ORC6: variants seen among roughly 807,000 people sequenced by gnomAD.
The protein encoded by ORC6 is origin recognition complex, subunit 6 homolog-like (yeast).
Under a neutral mutation model 30.0 loss-of-function variants are expected in ORC6, and 31 were observed. The observed-to-expected ratio is 1.03, with a 90% CI of 0.78 to 1.40. The LOEUF (loss-of-function observed/expected upper bound fraction) is 1.40. Among genes scored for constraint, ORC6 ranks in the 40% most tolerant of loss-of-function variants. ORC6 has a pLI of 0.00. For missense variants in ORC6, 340 were observed against 304.3 expected (o/e 1.12, Z -0.87); for synonymous variants, 136 against 111.2 (o/e 1.22, Z -1.40).
rs562099852 is a variant in ORC6 at position 46,697,837 on chromosome 16, G to A, written c.*252G>A. 30 of 556,238 alleles carry A rather than the reference G, an allele frequency of 5.4e-5. 1 individual carries two copies. Among genetic ancestry groups the A allele is most frequent in the Middle Eastern group, 5.0e-4 (1 of 2,010 alleles). The allele number at this position is 556,238 out of a possible 1,614,324, so 34.5% of individuals were successfully genotyped here. A position where few individuals can be genotyped will look rare whatever the true frequency, so the allele number is the denominator to read the frequency against. On this transcript the variant is annotated 3_prime_UTR_variant, in exon 7 of 7. Transcript: ENST00000219097. ...TTCCTACAAAATGGAATTGGAGGCC[G>A]GGCGCAGTGGCTCACGCCTGTAATC...
At chr16:46,695,297 G>C in intron 4 of ORC6, 1 of 406,784 alleles carries the variant, frequency 2.5e-6, no homozygotes, top group Admixed American at 4.3e-5. Context: ...ATTTACTAAA[G>C]AGTTCTAAAA....
intron 3 of ORC6, 50 bp downstream of exon 3, chr16:46,692,595 C>T (rs778684999): frequency 1.6e-5 from 25 of 1,533,182 alleles, no homozygotes; most frequent in Non-Finnish European, 1.9e-5. Context: ...ATAGGCCGGG[C>T]GTGGTGGCTC....
chr16:46,695,918 G>T (rs1567275254), intron 5 of ORC6, 99 bp from the exon 6 acceptor site: 2 of 892,340 alleles, frequency 2.2e-6, no homozygotes, highest in South Asian at 1.4e-5. Flanking sequence ...CCTCATATTT[G>T]ATCAGTTAAG....
At chr16:46,693,828 T>TTTTTTTTTA (rs767614465) in intron 4 of ORC6, 6 of 123,006 alleles carry the variant, frequency 4.9e-5, no homozygotes, top group Non-Finnish European at 6.6e-5. Context: ...TTTTTTTTTT[T>TTTTTTTTTA]ACATTTTTTT....
At chr16:46,691,958 A>ACACACTCTCTCTCTCTCTCT in intron 2 of ORC6, among the ~76,000 whole-genome samples, 1,655 of 36,660 alleles carry the variant, frequency 0.045, 66 homozygotes, top group Middle Eastern at 0.08. Context: ...ACACACACAC[A>ACACACTCTCTCTCTCTCTCT]CTCTCTCTCT....
chr16:46,689,813 CG>C (rs1966406623), intron 1 of ORC6, 43 bp downstream of exon 1: 2 of 1,547,924 alleles, frequency 1.3e-6, no homozygotes, highest in Non-Finnish European at 1.7e-6. Context: ...TTCCGCCTCG[CG>C]GCCCTGGGCC....
chr16:46,696,138 C>A, intron 6 of ORC6, 53 bp downstream of exon 6: 1 of 1,252,432 alleles, frequency 8.0e-7, no homozygotes, highest in South Asian at 1.2e-5. Flanking sequence ...GTGAACAGCC[C>A]AGTGCTGCTC....
chr16:46,697,341 T>C, intron 6 of ORC6, 117 bp from the exon 7 acceptor site: 1 of 963,998 alleles, frequency 1.0e-6, no homozygotes, highest in South Asian at 1.6e-5. Flanking sequence ...TAACTGCTGT[T>C]TCTCCATGTC....
intron 2 of ORC6, among the ~76,000 whole-genome samples, chr16:46,691,842 A>C (rs1966440491): frequency 6.6e-6 from 1 of 151,910 alleles, no homozygotes; most frequent in South Asian, 2.1e-4. Context: ...TGTTACATTG[A>C]AACTTTCCTT....
chr16:46,690,958 A>G (rs1596732920), intron 1 of ORC6, 33 bp from the exon 2 acceptor site: 2 of 1,613,648 alleles, frequency 1.2e-6, no homozygotes, highest in Non-Finnish European at 8.5e-7. Flanking sequence ...ACTTCTGAAT[A>G]AGTTGTAGCG....
intron 4 of ORC6, chr16:46,693,540 G>A (rs1229943640): frequency 1.8e-5 from 6 of 327,522 alleles, no homozygotes; most frequent in East Asian, 8.0e-5. Flanking sequence ...GGTGGCTCCC[G>A]CCTGTAATCC....
intron 6 of ORC6, among the ~76,000 whole-genome samples, chr16:46,697,256 G>T (rs531916049): frequency 1.3e-5 from 2 of 152,222 alleles, no homozygotes; most frequent in African/African-American, 4.8e-5. Flanking sequence ...AGGTGGAGGT[G>T]GGAGGATCAT....
chr16:46,693,539 C>A, intron 4 of ORC6: 1 of 327,194 alleles, frequency 3.1e-6, no homozygotes, highest in Non-Finnish European at 5.9e-6. Flanking sequence ...TGGTGGCTCC[C>A]GCCTGTAATC....
intron 3 of ORC6, 51 bp from the exon 4 acceptor site, chr16:46,693,039 CTCT>C: frequency 8.4e-7 from 1 of 1,191,594 alleles, no homozygotes; most frequent in Non-Finnish European, 1.3e-6. Context: ...TACTTTCAGT[CTCT>C]TTTCAAATAA....
At position 46,692,505 on chromosome 16, in the gene ORC6, T is replaced by A. The variant is rs778774952; in HGVS notation, c.319T>A (p.Cys107Ser). ...GIRDLAVQFSCIEAVNMASKI... is the reference protein window; with the variant it reads ...GIRDLAVQFSSIEAVNMASKI... ...AAGAGACCTAGCTGTACAGTTTAGC[T>A]GTATAGAAGCAGTGAACATGGCTTC... is the stretch of plus-strand genomic sequence containing the variant. Residue 107 changes from cysteine to serine, a missense_variant, in exon 3 of 7, where the codon TGT becomes AGT. Cys to Ser is a moderately radical substitution (Grantham distance 112). Coordinates refer to ENST00000219097, the MANE Select transcript of ORC6 (RefSeq NM_014321.4). The A allele has an allele frequency of 6.2e-7, 1 of 1,613,938 alleles. No homozygotes were observed. The highest frequency in any genetic ancestry group is 1.1e-5 in the South Asian group (1 of 91,082).
rs897994399 is a variant in ORC6 at position 46,696,184 on chromosome 16, C to T, written c.631+99C>T. 7.5e-6 allele frequency: 6 copies of T among 797,970 alleles called. No individual in the cohort carries two copies. The African/African-American group carries it at 8.5e-5, about 11-fold the overall frequency. The allele number at this position is 797,970 out of a possible 1,614,324, so 49.4% of individuals were successfully genotyped here. On this transcript the variant is annotated intron_variant, in intron 6 of 6. Transcript: ENST00000219097. ...CCTGACAGGAGTCCAGTTTTAAGTA[C>T]ATTCTGACTGTGAATCATTTGATAA...
rs775067227 is a variant in ORC6 at position 46,691,075 on chromosome 16, G to A, written c.150G>A (p.Met50Ile). 6.8e-6 allele frequency: 11 copies of A among 1,614,114 alleles called. No individual in the cohort carries two copies. Among genetic ancestry groups the A allele is most frequent in the African/African-American group, 2.7e-5 (2 of 74,956 alleles). The change falls in exon 2 of 7, where the codon ATG (methionine) becomes ATA (isoleucine). Residue 50 changes from methionine to isoleucine, a missense_variant. Met to Ile is a conservative substitution (Grantham distance 10). Transcript: ENST00000219097. Reference sequence around the variant, plus strand: ...CCACGGAGACCAGCAGTGCAGTCATGTGCCTGGACCTTGCAGCTTCCTGGA... The same window carrying A: ...CCACGGAGACCAGCAGTGCAGTCATATGCCTGGACCTTGCAGCTTCCTGGA... ...ARTTETSSAV[M>I]CLDLAASWMK...
Position 46,697,673 on chromosome 16 carries a change from C to T in ORC6, c.*88C>T, listed in dbSNP as rs1425123325. 2 of 1,397,592 alleles carry T rather than the reference C, an allele frequency of 1.4e-6. No homozygotes were observed. The highest frequency in any genetic ancestry group is 2.0e-6 in the Non-Finnish European group (2 of 984,828). The allele number at this position is 1,397,592 out of a possible 1,614,324, so 86.6% of individuals were successfully genotyped here. ...TGACGGCTTTGGGATTTTGTTTAAACTTTTATAATAAGGATCCTAAGACTG... is the reference window on the plus strand; with the variant it reads ...TGACGGCTTTGGGATTTTGTTTAAATTTTTATAATAAGGATCCTAAGACTG... On this transcript the variant is annotated 3_prime_UTR_variant, in exon 7 of 7. Coordinates refer to ENST00000219097, the MANE Select transcript of ORC6 (RefSeq NM_014321.4).
intron 4 of ORC6, chr16:46,695,319 C>G (rs1354508666): frequency 2.0e-6 from 1 of 494,396 alleles, no homozygotes; most frequent in Non-Finnish European, 3.6e-6. Flanking sequence ...TCATGAAGCA[C>G]TACAGCAAAT....
Sources: gnomAD v4.1 joint callset for allele counts (sites outside exome capture counted in the v4.1 genomes callset) on GRCh38, gnomAD v4.1.1 for gene constraint, MANE v1.5 for transcripts, NCBI Gene and HGNC (gene_info 2026-07-23, HGNC 2026-07-21) for gene names.